Variants in TAF3 observed in about 807,000 individuals in gnomAD.
The protein encoded by TAF3 is transcription initiation factor TFIID subunit 3.
Under a neutral mutation model 80.6 loss-of-function variants are expected in TAF3, and 7 were observed. That is an observed-to-expected ratio of 0.09 (90% CI 0.05 to 0.16). TAF3 has a LOEUF of 0.16. TAF3 is among the 10% of genes least tolerant of loss of function. TAF3 has a pLI of 1.00. For synonymous variants in TAF3, 444 were observed against 446.1 expected (o/e 1.00, Z 0.06); for missense variants, 921 against 1,140.2 (o/e 0.81, Z 2.77).
chr10:7,874,560 G>A (rs1343302826), intron 2 of TAF3, among the ~76,000 whole-genome samples: 1 of 151,884 alleles, frequency 6.6e-6, no homozygotes, highest in South Asian at 2.1e-4. Context: ...AGCTCTATAA[G>A]CTCTATATAT....
intron 4 of TAF3, among the ~76,000 whole-genome samples, chr10:7,991,095 C>T (rs969144955): frequency 6.6e-6 from 1 of 152,038 alleles, no homozygotes; most frequent in African/African-American, 2.4e-5. Flanking sequence ...AATCTGAAGT[C>T]AGTGTAATAA....
chr10:7,920,098 T>C (rs1156911302), intron 2 of TAF3, among the ~76,000 whole-genome samples: 1 of 151,628 alleles, frequency 6.6e-6, no homozygotes, highest in Non-Finnish European at 1.5e-5. Flanking sequence ...AAAAATAAAA[T>C]AAAAATTAGC....
At chr10:7,884,958 C>A (rs1174769325) in intron 2 of TAF3, among the ~76,000 whole-genome samples, 1 of 151,844 alleles carries the variant, frequency 6.6e-6, no homozygotes, top group East Asian at 1.9e-4. Flanking sequence ...GAATTGCTAA[C>A]CCATACCAAT....
intron 2 of TAF3, among the ~76,000 whole-genome samples, chr10:7,863,375 T>C (rs1312779): frequency 0.64 from 96,124 of 151,018 alleles, 31,054 homozygotes; most frequent in South Asian, 0.88. Context: ...CTTTGGGAGG[T>C]TGAGGCAGGC....
intron 4 of TAF3, among the ~76,000 whole-genome samples, chr10:7,980,008 C>T (rs77127143): frequency 0.053 from 8,055 of 152,106 alleles, 284 homozygotes; most frequent in East Asian, 0.13. Flanking sequence ...AGTGATCCTC[C>T]GTGGTTGTAG....
chr10:7,938,211 A>G (rs574853945), intron 2 of TAF3, among the ~76,000 whole-genome samples: 2 of 152,312 alleles, frequency 1.3e-5, no homozygotes, highest in Admixed American at 1.3e-4. Context: ...AAAATCCCTA[A>G]CTTGAAGCAG....
chr10:7,935,646 G>A (rs1331086028), intron 2 of TAF3, among the ~76,000 whole-genome samples: 1 of 152,072 alleles, frequency 6.6e-6, no homozygotes, highest in African/African-American at 2.4e-5. Flanking sequence ...AATACTGGGG[G>A]GTTCATATTT....
chr10:7,824,181 T>C, intron 1 of TAF3, 137 bp from the exon 2 acceptor site: 74 of 1,012,216 alleles, frequency 7.3e-5, no homozygotes. Context: ...CTTTAAAATC[T>C]ATTAAATTCT....
chr10:7,994,846 A>C (rs1253050259), intron 4 of TAF3, among the ~76,000 whole-genome samples: 2 of 151,040 alleles, frequency 1.3e-5, no homozygotes, highest in Non-Finnish European at 3.0e-5. Flanking sequence ...GTGGTGGCGC[A>C]TGCCTGTAAT....
chr10:7,961,624 A>C (rs180781389), intron 2 of TAF3, among the ~76,000 whole-genome samples: 1 of 152,054 alleles, frequency 6.6e-6, no homozygotes, highest in Admixed American at 6.5e-5. Flanking sequence ...ATCATCCATC[A>C]TGGTGACTTT....
At chr10:7,904,710 T>C (rs181644007) in intron 2 of TAF3, among the ~76,000 whole-genome samples, 6 of 152,274 alleles carry the variant, frequency 3.9e-5, no homozygotes, top group Admixed American at 2.0e-4. Flanking sequence ...AACTGTGTAG[T>C]GTGCACAGCG....
chr10:7,889,795 T>A (rs1371721136), intron 2 of TAF3, among the ~76,000 whole-genome samples: 1 of 152,232 alleles, frequency 6.6e-6, no homozygotes, highest in Admixed American at 6.5e-5. Context: ...CTCTTAATTG[T>A]TTCTCTTTCA....
intron 3 of TAF3, chr10:7,975,070 CAAA>C (rs35755700): frequency 5.0e-3 from 874 of 175,500 alleles, no homozygotes; most frequent in South Asian, 0.013. Context: ...GACTCTGTCT[CAAA>C]AAAAAAAAAA....
At chr10:7,891,362 C>A (rs2131163366) in intron 2 of TAF3, among the ~76,000 whole-genome samples, 1 of 152,046 alleles carries the variant, frequency 6.6e-6, no homozygotes, top group South Asian at 2.1e-4. Flanking sequence ...GTGCATATAG[C>A]CACTTTTTAA....
rs112273639 is a variant in TAF3 at position 7,873,625 on chromosome 10, C to T, written c.409+49065C>T. Among the ~76,000 whole-genome samples, 32 of 126,960 alleles carry T rather than the reference C, an allele frequency of 2.5e-4. 3 individuals carry two copies. The highest frequency in any genetic ancestry group is 4.0e-4 in the Non-Finnish European group (23 of 57,466). 83.3% of individuals were successfully genotyped at this position (126,960 alleles called of 152,430 possible). On this transcript the variant is annotated intron_variant, in intron 2 of 6. Transcript: ENST00000344293. Reference sequence around the variant, plus strand: ...GGAAGACATCCGAGTTCTCCCCCCCCCCCCGTCAAAAGGGGGTGTCGAATT... The same window carrying T: ...GGAAGACATCCGAGTTCTCCCCCCCTCCCCGTCAAAAGGGGGTGTCGAATT...
intron 2 of TAF3, among the ~76,000 whole-genome samples, chr10:7,828,969 G>T (rs1417868257): frequency 7.6e-6 from 1 of 131,256 alleles, no homozygotes; most frequent in Admixed American, 9.2e-5. Flanking sequence ...GGCAGAGGTT[G>T]CAGTCAGCCG....
intron 4 of TAF3, among the ~76,000 whole-genome samples, chr10:8,004,803 A>G (rs1053267771): frequency 1.3e-5 from 2 of 152,162 alleles, no homozygotes; most frequent in Non-Finnish European, 2.9e-5. Context: ...TGGGCTTCAT[A>G]AATCTGTGGA....
intron 2 of TAF3, among the ~76,000 whole-genome samples, chr10:7,932,114 A>G (rs988864711): frequency 6.6e-6 from 1 of 152,210 alleles, no homozygotes; most frequent in Non-Finnish European, 1.5e-5. Context: ...TAGAAATTTA[A>G]CTCGGAGCAT....
intron 2 of TAF3, among the ~76,000 whole-genome samples, chr10:7,839,752 C>T (rs899856258): frequency 3.3e-5 from 5 of 151,950 alleles, no homozygotes; most frequent in African/African-American, 9.7e-5. Flanking sequence ...ACTTTTTCTG[C>T]TTATTCTTGT....
Sources: allele counts gnomAD v4.1 joint callset (sites outside exome capture counted in the v4.1 genomes callset), GRCh38; gene constraint gnomAD v4.1.1; transcripts MANE v1.5; gene names NCBI Gene and HGNC (gene_info 2026-07-23, HGNC 2026-07-21).